The following C7orf78 variants were observed in gnomAD, a reference collection of about 807,000 sequenced individuals.
C7orf78 encodes the protein putative uncharacterized protein C7orf78.
At chr7:12,484,878 C>T in the C7orf78 span, among the ~76,000 whole-genome samples, 994 of 152,150 alleles carry the variant, frequency 6.5e-3, 22 homozygotes, top group East Asian at 0.07. Context: ...AAATGCTCCT[C>T]CCCCAAATTT....
the C7orf78 span, chr7:12,538,557 T>C: frequency 6.6e-6 from 1 of 152,198 alleles, no homozygotes; most frequent in Non-Finnish European, 1.5e-5. Context: ...TTCTCTGTCC[T>C]AGACAGAGGC....
the C7orf78 span, chr7:12,504,404 C>A: frequency 2.6e-5 from 4 of 152,118 alleles, no homozygotes; most frequent in Admixed American, 6.6e-5. Flanking sequence ...CTTAGCAACC[C>A]AGATGAGCAA....
At chr7:12,521,377 T>C in the C7orf78 span, among the ~76,000 whole-genome samples, 4,364 of 152,114 alleles carry the variant, frequency 0.029, 196 homozygotes, top group African/African-American at 0.099. Context: ...TTTTCATTTG[T>C]GTATCTACTG....
the C7orf78 span, among the ~76,000 whole-genome samples, chr7:12,539,198 C>T: frequency 6.6e-6 from 1 of 152,214 alleles, no homozygotes; most frequent in African/African-American, 2.4e-5. Context: ...GGCGCAGTGG[C>T]TCACACCTGT....
the C7orf78 span, chr7:12,496,524 T>C: frequency 1.3e-5 from 2 of 152,200 alleles, no homozygotes; most frequent in African/African-American, 4.8e-5. Context: ...CTCTAAGAAA[T>C]CTTTGGAGAC....
chr7:12,498,480 A>G, the C7orf78 span, among the ~76,000 whole-genome samples: 1 of 152,034 alleles, frequency 6.6e-6, no homozygotes, highest in South Asian at 2.1e-4. Flanking sequence ...AAGAAAGGGT[A>G]TCAGCAATGG....
At chr7:12,510,352 T>C in the C7orf78 span, among the ~76,000 whole-genome samples, 4 of 152,094 alleles carry the variant, frequency 2.6e-5, no homozygotes, top group Non-Finnish European at 5.9e-5. Flanking sequence ...GCCTGGCTAA[T>C]TTCTGTACTT....
chr7:12,517,510 AC>A, the C7orf78 span, among the ~76,000 whole-genome samples: 2 of 152,194 alleles, frequency 1.3e-5, no homozygotes, highest in Non-Finnish European at 2.9e-5. Context: ...TTCTGAGATA[AC>A]AAAAATTCAT....
the C7orf78 span, among the ~76,000 whole-genome samples, chr7:12,499,895 G>A: frequency 7.2e-6 from 1 of 138,776 alleles, no homozygotes; most frequent in Non-Finnish European, 1.6e-5. Context: ...AGACCACAGT[G>A]CAATCAAACT....
the C7orf78 span, among the ~76,000 whole-genome samples, chr7:12,528,278 A>G: frequency 0.083 from 4,414 of 53,026 alleles, no homozygotes; most frequent in African/African-American, 0.12. Flanking sequence ...AATGGAACAT[A>G]TCTACTTTCC....
chr7:12,497,585 C>CG, the C7orf78 span, among the ~76,000 whole-genome samples: 4 of 152,142 alleles, frequency 2.6e-5, no homozygotes, highest in East Asian at 1.9e-4. Context: ...GAGGGTCCTA[C>CG]CCCACGGAGT....
At chr7:12,503,697 G>A in the C7orf78 span, among the ~76,000 whole-genome samples, 3 of 152,064 alleles carry the variant, frequency 2.0e-5, no homozygotes, top group East Asian at 3.9e-4. Flanking sequence ...CCATGTTGGT[G>A]TGCTGCACCC....
the C7orf78 span, among the ~76,000 whole-genome samples, chr7:12,517,371 C>G: frequency 1.3e-5 from 2 of 152,086 alleles, no homozygotes; most frequent in Non-Finnish European, 2.9e-5. Context: ...TCTTCTCAGT[C>G]TCAAGTATGT....
At chr7:12,515,271 A>AT in the C7orf78 span, among the ~76,000 whole-genome samples, 4 of 152,204 alleles carry the variant, frequency 2.6e-5, no homozygotes, top group Non-Finnish European at 5.9e-5. Flanking sequence ...GTGATAGTGA[A>AT]TAAGTCTCAC....
At chr7:12,499,730 C>G in the C7orf78 span, among the ~76,000 whole-genome samples, 2 of 151,604 alleles carry the variant, frequency 1.3e-5, no homozygotes, top group Non-Finnish European at 3.0e-5. Flanking sequence ...CCAAGTGGAC[C>G]TAATAGACAT....
the C7orf78 span, among the ~76,000 whole-genome samples, chr7:12,517,875 G>C: frequency 6.6e-6 from 1 of 151,740 alleles, no homozygotes; most frequent in Admixed American, 6.6e-5. Flanking sequence ...TCTTTTTCTG[G>C]GATTTTGTGA....
At chr7:12,532,891 G>C in the C7orf78 span, among the ~76,000 whole-genome samples, 1 of 152,158 alleles carries the variant, frequency 6.6e-6, no homozygotes, top group African/African-American at 2.4e-5. Flanking sequence ...CCACAGGACA[G>C]ATGAATATAA....
At chr7:12,498,275 C>T in the C7orf78 span, among the ~76,000 whole-genome samples, 1 of 151,962 alleles carries the variant, frequency 6.6e-6, no homozygotes, top group Non-Finnish European at 1.5e-5. Context: ...TTCGGACGAT[C>T]AAATTACTCT....
chr7:12,506,824 A>G, the C7orf78 span: 26 of 419,196 alleles, frequency 6.2e-5, no homozygotes, highest in Non-Finnish European at 9.4e-5. Context: ...CTGCACTGAA[A>G]AAATACAGCA....
Sources: allele counts gnomAD v4.1 joint callset (sites outside exome capture counted in the v4.1 genomes callset), GRCh38; gene constraint gnomAD v4.1.1; transcripts MANE v1.5; gene names NCBI Gene and HGNC (gene_info 2026-07-23, HGNC 2026-07-21).